INVS: variants seen among roughly 807,000 people sequenced by gnomAD.
The protein encoded by INVS is inversin.
A neutral mutation model predicts 108.8 loss-of-function variants in INVS; 86 were observed. The ratio of observed to expected loss-of-function variants is 0.79; its 90% confidence interval spans 0.66 to 0.95. The LOEUF (loss-of-function observed/expected upper bound fraction) is 0.95. Among genes scored for constraint, INVS ranks in the 40% least tolerant of loss-of-function variants. INVS has a pLI of 0.00. For synonymous variants in INVS, 455 were observed against 473.5 expected (o/e 0.96, Z 0.51); for missense variants, 1,169 against 1,297.4 (o/e 0.90, Z 1.52).
At chr9:100,273,993 G>C (rs1365612260) in intron 12 of INVS, among the ~76,000 whole-genome samples, 1 of 152,050 alleles carries the variant, frequency 6.6e-6, no homozygotes, top group Non-Finnish European at 1.5e-5. Flanking sequence ...CAAGGACTTC[G>C]CATTTTTTTT....
chr9:100,237,721 A>G (rs1457194552), intron 5 of INVS, among the ~76,000 whole-genome samples: 1 of 152,028 alleles, frequency 6.6e-6, no homozygotes, highest in Non-Finnish European at 1.5e-5. Context: ...TGAACTGGGC[A>G]CCTCAGTTGG....
chr9:100,112,749 T>C (rs980433185), intron 2 of INVS, among the ~76,000 whole-genome samples: 1 of 152,106 alleles, frequency 6.6e-6, no homozygotes, highest in Non-Finnish European at 1.5e-5. Context: ...ATTAAAAGCC[T>C]TCCTGGGCTA....
At chr9:100,151,599 G>A (rs965532245) in intron 3 of INVS, among the ~76,000 whole-genome samples, 2 of 152,208 alleles carry the variant, frequency 1.3e-5, no homozygotes, top group African/African-American at 4.8e-5. Flanking sequence ...CCATTGTCAA[G>A]AATATGTTTT....
intron 13 of INVS, among the ~76,000 whole-genome samples, chr9:100,286,483 G>A (rs911210522): frequency 1.3e-5 from 2 of 152,212 alleles, no homozygotes; most frequent in Non-Finnish European, 2.9e-5. Context: ...GGAAGTTGCA[G>A]TGAACCGAGA....
chr9:100,294,879 C>A (rs10116609), intron 14 of INVS, among the ~76,000 whole-genome samples: 16 of 152,176 alleles, frequency 1.1e-4, no homozygotes, highest in Non-Finnish European at 2.2e-4. Context: ...TGCATGTAAT[C>A]GTCACTGATA....
At chr9:100,184,691 A>G (rs977612226) in intron 3 of INVS, among the ~76,000 whole-genome samples, 2 of 152,100 alleles carry the variant, frequency 1.3e-5, no homozygotes, top group African/African-American at 4.8e-5. Context: ...GACTTCGTAT[A>G]TAGGCTACAT....
intron 3 of INVS, among the ~76,000 whole-genome samples, chr9:100,209,222 G>T (rs896870431): frequency 1.3e-5 from 2 of 152,226 alleles, no homozygotes; most frequent in Admixed American, 1.3e-4. Flanking sequence ...AAAATTATTA[G>T]AAATTAAGTC....
At chr9:100,146,750 T>C (rs74765927) in intron 3 of INVS, among the ~76,000 whole-genome samples, 7,786 of 152,260 alleles carry the variant, frequency 0.051, 628 homozygotes, top group African/African-American at 0.17. Flanking sequence ...ACAGAGGTAG[T>C]ATATTAGAAT....
At chr9:100,102,346 G>A (rs550797980) in intron 1 of INVS, among the ~76,000 whole-genome samples, 1 of 152,198 alleles carries the variant, frequency 6.6e-6, no homozygotes, top group South Asian at 2.1e-4. Flanking sequence ...GTTTTTAAAA[G>A]GTTCTTACAA....
chr9:100,129,649 A>T, intron 3 of INVS: 1 of 665,408 alleles, frequency 1.5e-6, no homozygotes, highest in Non-Finnish European at 2.8e-6. Context: ...TAAAAACTGA[A>T]TAAAATACTA....
chr9:100,180,867 G>A (rs910137156), intron 3 of INVS, among the ~76,000 whole-genome samples: 21 of 152,256 alleles, frequency 1.4e-4, no homozygotes, highest in Admixed American at 1.3e-3. Flanking sequence ...GAACATTGAT[G>A]TGAAAATCCT....
chr9:100,172,461 G>A (rs1829571493), intron 3 of INVS, among the ~76,000 whole-genome samples: 1 of 152,132 alleles, frequency 6.6e-6, no homozygotes, highest in South Asian at 2.1e-4. Flanking sequence ...GTTTTGTGAA[G>A]ATGTTTAAAA....
At chr9:100,243,468 C>T (rs1051381844) in intron 7 of INVS, among the ~76,000 whole-genome samples, 38 of 152,064 alleles carry the variant, frequency 2.5e-4, no homozygotes, top group East Asian at 1.2e-3. Context: ...GTATATTATA[C>T]GTCTGAGAAT....
At chr9:100,193,494 A>G (rs1830285909) in intron 3 of INVS, among the ~76,000 whole-genome samples, 1 of 152,168 alleles carries the variant, frequency 6.6e-6, no homozygotes, top group African/African-American at 2.4e-5. Context: ...GTAACAAATT[A>G]CATATATCTC....
chr9:100,128,218 G>T (rs1206269031), intron 3 of INVS, among the ~76,000 whole-genome samples: 2 of 152,034 alleles, frequency 1.3e-5, no homozygotes, highest in African/African-American at 4.8e-5. Context: ...GTTTTCTTTA[G>T]TTTTTTTGTT....
intron 3 of INVS, among the ~76,000 whole-genome samples, chr9:100,163,134 T>C (rs1052090751): frequency 6.6e-6 from 1 of 151,882 alleles, no homozygotes; most frequent in South Asian, 2.1e-4. Context: ...CTACAGACTC[T>C]TTCTTGCCAC....
chr9:100,100,641 T>C (rs558318676), intron 1 of INVS, among the ~76,000 whole-genome samples: 19 of 60,844 alleles, frequency 3.1e-4, no homozygotes, highest in African/African-American at 1.5e-3. Context: ...ATATATATTA[T>C]ATATGTATAT....
At chr9:100,122,760 T>TA in intron 2 of INVS, among the ~76,000 whole-genome samples, 1 of 151,578 alleles carries the variant, frequency 6.6e-6, no homozygotes, top group Non-Finnish European at 1.5e-5. Flanking sequence ...ATTTTTTCTG[T>TA]TTTTTAGTAG....
intron 3 of INVS, chr9:100,131,891 A>C (rs1828065513): frequency 1.0e-6 from 1 of 977,774 alleles, no homozygotes; most frequent in South Asian, 4.7e-5. Flanking sequence ...CGCTGTTTCC[A>C]TGTTACTGAT....
Sources: allele counts gnomAD v4.1 joint callset (sites outside exome capture counted in the v4.1 genomes callset), GRCh38; gene constraint gnomAD v4.1.1; transcripts MANE v1.5; gene names NCBI Gene and HGNC (gene_info 2026-07-23, HGNC 2026-07-21).